HPSE2: variants seen among roughly 807,000 people sequenced by gnomAD.
The protein encoded by HPSE2 is inactive heparanase-2.
Under a neutral mutation model 60.5 loss-of-function variants are expected in HPSE2, and 38 were observed. That is an observed-to-expected ratio of 0.63 (90% confidence interval 0.48 to 0.82). HPSE2 has a LOEUF of 0.82. Among genes scored for constraint, HPSE2 ranks in the 40% least tolerant of loss-of-function variants. The pLI is 0.00. For synonymous variants in HPSE2, 295 were observed against 293.2 expected, an observed-to-expected ratio of 1.01 and a Z score of -0.06; for missense variants, 713 against 740.4, an observed-to-expected ratio of 0.96 and a Z score of 0.43.
chr10:98,960,495 TAAA>T lies in HPSE2; in HGVS notation c.610+183740_610+183742del, dbSNP rs1326194196. Among the ~76,000 whole-genome samples the T allele has an allele frequency of 3.3e-5, 5 of 152,156 alleles. No homozygotes were observed. In the East Asian group the frequency reaches 9.7e-4, roughly 29 times the overall value. On this transcript the variant is annotated intron_variant, in intron 3 of 11. Transcript: ENST00000370552. ...AATCAAGAATAAAATTGTATGCAGA[TAAA>T]AAATTATGAAAAGGGGCTGAGAATG...
At chr10:98,595,399 T>A (rs1316980833) in intron 9 of HPSE2, among the ~76,000 whole-genome samples, 1 of 152,088 alleles carries the variant, frequency 6.6e-6, no homozygotes, top group Non-Finnish European at 1.5e-5. Flanking sequence ...CTCGCTCTCC[T>A]GACCTCGTGA....
At chr10:98,600,924 T>TA (rs1554950566) in intron 9 of HPSE2, among the ~76,000 whole-genome samples, 1 of 45,624 alleles carries the variant, frequency 2.2e-5, no homozygotes, top group Non-Finnish European at 6.9e-5. Context: ...TATATATATA[T>TA]ATATATATAT....
chr10:99,001,482 C>G (rs1306394259), intron 3 of HPSE2, among the ~76,000 whole-genome samples: 1 of 152,020 alleles, frequency 6.6e-6, no homozygotes, highest in African/African-American at 2.4e-5. Context: ...AGAAATTTCT[C>G]AAGCACATAG....
intron 4 of HPSE2, among the ~76,000 whole-genome samples, chr10:98,724,720 A>G (rs1223789154): frequency 2.0e-5 from 3 of 152,242 alleles, no homozygotes; most frequent in South Asian, 2.1e-4. Context: ...CCATTGTGTA[A>G]TGGCCTTCTT....
chr10:99,022,658 G>A (rs910120880), intron 3 of HPSE2, among the ~76,000 whole-genome samples: 1 of 152,108 alleles, frequency 6.6e-6, no homozygotes, highest in African/African-American at 2.4e-5. Context: ...TACCTGCTCA[G>A]CCACAGCAGG....
At chr10:98,851,980 G>A (rs1228293105) in intron 3 of HPSE2, among the ~76,000 whole-genome samples, 2 of 119,456 alleles carry the variant, frequency 1.7e-5, no homozygotes, top group African/African-American at 7.0e-5. Context: ...TCAAATTTAA[G>A]ATTTATCATG....
At chr10:99,307,217 A>G in the HPSE2 span, among the ~76,000 whole-genome samples, 1 of 152,190 alleles carries the variant, frequency 6.6e-6, no homozygotes, top group South Asian at 2.1e-4. Context: ...AATAGCTGGC[A>G]CTTAGAAACA....
chr10:99,239,629 C>T (rs973290407), upstream of HPSE2, among the ~76,000 whole-genome samples: 1 of 151,494 alleles, frequency 6.6e-6, no homozygotes, highest in Non-Finnish European at 1.5e-5. Flanking sequence ...GGGGCTTCAC[C>T]GTGTTGCCTA....
At chr10:99,232,649 G>A in intron 1 of HPSE2, 144 bp from the exon 2 acceptor site, 1 of 962,816 alleles carries the variant, frequency 1.0e-6, no homozygotes, top group African/African-American at 1.6e-5. Context: ...GGCAGTCCAC[G>A]CTGGCCCTTG....
intron 2 of HPSE2, among the ~76,000 whole-genome samples, chr10:99,199,400 T>C (rs1848503632): frequency 6.6e-6 from 1 of 152,080 alleles, no homozygotes; most frequent in Non-Finnish European, 1.5e-5. Flanking sequence ...TAATTTGCAT[T>C]TCCCTGATGA....
chr10:98,704,264 A>G (rs528819027), intron 5 of HPSE2, among the ~76,000 whole-genome samples: 1 of 152,338 alleles, frequency 6.6e-6, no homozygotes, highest in East Asian at 1.9e-4. Flanking sequence ...CAGAGGACAC[A>G]AACAAATGGA....
intron 3 of HPSE2, among the ~76,000 whole-genome samples, chr10:99,100,182 T>C (rs544338994): frequency 6.6e-6 from 1 of 152,068 alleles, no homozygotes; most frequent in East Asian, 1.9e-4. Flanking sequence ...CTTCAGACAA[T>C]CAAACTTCTC....
At chr10:98,905,994 T>C (rs1352291133) in intron 3 of HPSE2, among the ~76,000 whole-genome samples, 6 of 152,262 alleles carry the variant, frequency 3.9e-5, no homozygotes, top group African/African-American at 1.4e-4. Context: ...CAACCCTCTC[T>C]AGGAATTGTC....
chr10:99,153,961 G>A (rs1846404210), intron 2 of HPSE2, among the ~76,000 whole-genome samples: 2 of 152,134 alleles, frequency 1.3e-5, no homozygotes, highest in African/African-American at 4.8e-5. Context: ...GAATGCAGAA[G>A]CCTCAGGAGC....
At position 98,863,632 on chromosome 10, in the gene HPSE2, A is replaced by T. The variant is rs995659363; in HGVS notation, c.611-119576T>A. ...GATCGTCTCAGAGATGCTCAAGCCT[A>T]CCTGCAATTAGTAAGACAGATTAGC... On this transcript the variant is annotated intron_variant, in intron 3 of 11. Transcript: ENST00000370552. Among the ~76,000 whole-genome samples, 3 of 152,174 alleles carry T rather than the reference A, an allele frequency of 2.0e-5. No homozygotes were observed. The East Asian group carries it at 5.8e-4, about 29-fold the overall frequency.
At chr10:98,542,376 G>A (rs1325140593) in intron 9 of HPSE2, among the ~76,000 whole-genome samples, 1 of 152,078 alleles carries the variant, frequency 6.6e-6, no homozygotes, top group Non-Finnish European at 1.5e-5. Flanking sequence ...CAAAGATGGG[G>A]AAAAAACAGA....
intron 1 of HPSE2, 51 bp downstream of exon 1, chr10:99,235,462 A>AG: frequency 6.6e-7 from 1 of 1,524,904 alleles, no homozygotes; most frequent in Non-Finnish European, 9.1e-7. Flanking sequence ...GAAGGGCTTG[A>AG]GGGGGTGTTA....
intron 9 of HPSE2, among the ~76,000 whole-genome samples, chr10:98,491,821 T>C (rs1941654908): frequency 1.3e-5 from 2 of 152,186 alleles, no homozygotes; most frequent in African/African-American, 4.8e-5. Flanking sequence ...TACAAAGTCA[T>C]ATTATATAAA....
At chr10:98,893,098 G>A (rs943165358) in intron 3 of HPSE2, among the ~76,000 whole-genome samples, 6 of 149,482 alleles carry the variant, frequency 4.0e-5, no homozygotes, top group East Asian at 2.0e-4. Context: ...ATGGAGTTTC[G>A]CTCTTGTTGC....
Sources: allele counts gnomAD v4.1 joint callset (sites outside exome capture counted in the v4.1 genomes callset), GRCh38; gene constraint gnomAD v4.1.1; transcripts MANE v1.5; gene names NCBI Gene and HGNC (gene_info 2026-07-23, HGNC 2026-07-21).